The following ELAVL4 variants were observed in gnomAD, a reference collection of about 807,000 sequenced individuals.
The protein encoded by ELAVL4 is ELAV like RNA binding protein 4.
In ELAVL4, 1 loss-of-function variant was observed where a neutral mutation model predicts 35.6. The observed-to-expected ratio is 0.03, with a 90% confidence interval of 0.01 to 0.13. The LOEUF (loss-of-function observed/expected upper bound fraction) is 0.13, where lower values mean the gene tolerates loss of function less well. Among genes scored for constraint, ELAVL4 ranks in the 10% least tolerant of loss-of-function variants. The pLI, the probability that ELAVL4 is intolerant of heterozygous loss-of-function variation, is 1.00. For missense variants in ELAVL4, 267 were observed against 464.9 expected (o/e 0.57, Z 3.91); for synonymous variants, 156 against 171.0 (o/e 0.91, Z 0.69).
intron 1 of ELAVL4, among the ~76,000 whole-genome samples, chr1:50,058,788 G>A (rs1364691899): frequency 1.3e-5 from 2 of 151,564 alleles, no homozygotes; most frequent in African/African-American, 4.9e-5. Flanking sequence ...TTTTTTTTTA[G>A]AGATGAGGTT....
upstream of ELAVL4, among the ~76,000 whole-genome samples, chr1:50,107,974 G>A (rs1666488035): frequency 6.6e-6 from 1 of 152,124 alleles, no homozygotes; most frequent in South Asian, 2.1e-4. Context: ...AAGGAGAGAA[G>A]CAAAATCACT....
intron 1 of ELAVL4, among the ~76,000 whole-genome samples, chr1:50,123,952 C>T (rs558599229): frequency 1.3e-5 from 2 of 152,214 alleles, no homozygotes; most frequent in African/African-American, 4.8e-5. Context: ...TTCTAGGTTT[C>T]ACCACTGCCT....
At chr1:50,125,714 T>C (rs1436281654) in intron 1 of ELAVL4, among the ~76,000 whole-genome samples, 7 of 152,102 alleles carry the variant, frequency 4.6e-5, no homozygotes, top group Non-Finnish European at 4.4e-5. Flanking sequence ...TCAGCCAGAA[T>C]GTCTTCTCAA....
At chr1:50,130,415 A>T (rs1459724144) in intron 1 of ELAVL4, among the ~76,000 whole-genome samples, 1 of 152,182 alleles carries the variant, frequency 6.6e-6, no homozygotes, top group Non-Finnish European at 1.5e-5. Context: ...AATGAGAGGA[A>T]TGACAATACC....
intron 6 of ELAVL4, among the ~76,000 whole-genome samples, chr1:50,197,746 C>A (rs1175028154): frequency 6.6e-6 from 1 of 152,180 alleles, no homozygotes; most frequent in Non-Finnish European, 1.5e-5. Flanking sequence ...ATAATCTGGT[C>A]CTTTGAATGG....
chr1:50,197,745 T>A (rs920375700), intron 6 of ELAVL4, among the ~76,000 whole-genome samples: 3 of 152,220 alleles, frequency 2.0e-5, no homozygotes, highest in African/African-American at 4.8e-5. Flanking sequence ...AATAATCTGG[T>A]CCTTTGAATG....
At chr1:50,152,390 G>T (rs1674950912) in intron 2 of ELAVL4, among the ~76,000 whole-genome samples, 2 of 151,688 alleles carry the variant, frequency 1.3e-5, no homozygotes, top group African/African-American at 2.4e-5. Context: ...CCCTGTTCAC[G>T]CAGCCTTCTC....
chr1:50,177,705 G>A (rs552770099), intron 3 of ELAVL4, among the ~76,000 whole-genome samples: 1 of 152,278 alleles, frequency 6.6e-6, no homozygotes, highest in South Asian at 2.1e-4. Flanking sequence ...CTTTACCTAA[G>A]GGTGGTTAGG....
At chr1:50,106,681 G>A (rs1666343066), upstream of ELAVL4, among the ~76,000 whole-genome samples, 1 of 152,100 alleles carries the variant, frequency 6.6e-6, no homozygotes, top group Admixed American at 6.5e-5. Context: ...CCAACAATAG[G>A]ATTCTGCCTT....
intron 1 of ELAVL4, among the ~76,000 whole-genome samples, chr1:50,114,099 T>A (rs770528204): frequency 4.6e-5 from 7 of 152,110 alleles, no homozygotes; most frequent in Non-Finnish European, 1.0e-4. Context: ...CCAAACACCT[T>A]TCTTTAGCTG....
At chr1:50,127,575 A>G (rs568329833) in intron 1 of ELAVL4, among the ~76,000 whole-genome samples, 1 of 152,274 alleles carries the variant, frequency 6.6e-6, no homozygotes, top group African/African-American at 2.4e-5. Flanking sequence ...ATGTCTACTA[A>G]CCTTCCAAGA....
chr1:50,072,522 C>A (rs1664577172), intron 1 of ELAVL4, among the ~76,000 whole-genome samples: 2 of 152,280 alleles, frequency 1.3e-5, no homozygotes, highest in South Asian at 2.1e-4. Flanking sequence ...GCCATCATCA[C>A]TGATGAATGA....
chr1:50,129,645 T>C (rs961585748), intron 1 of ELAVL4, among the ~76,000 whole-genome samples: 3 of 152,158 alleles, frequency 2.0e-5, no homozygotes, highest in East Asian at 3.9e-4. Context: ...TTTGGCATTA[T>C]TGTGAGAGCT....
chr1:50,177,266 G>GCCCCCACATA, intron 3 of ELAVL4, 74 bp downstream of exon 3: 7 of 1,123,652 alleles, frequency 6.2e-6, no homozygotes, highest in South Asian at 1.3e-5. Flanking sequence ...GGTAAATCCA[G>GCCCCCACATA]GCTATGTGGG....
At position 50,192,519 on chromosome 1, in the gene ELAVL4, G is replaced by A. The variant is rs78788283; in HGVS notation, c.355-1246G>A. On this transcript the variant is annotated intron_variant, in intron 3 of 6. Transcript: ENST00000371824. ...TTTGCACACATGCTTTTGTGTGCACGCACACACACACACACACACACACAC... is the reference window on the plus strand; with the variant it reads ...TTTGCACACATGCTTTTGTGTGCACACACACACACACACACACACACACAC... 6.7e-3 allele frequency among the ~76,000 whole-genome samples: 941 copies of A among 140,434 alleles called. 7 individuals are homozygous for A. The highest frequency in any genetic ancestry group is 0.011 in the Admixed American group (154 of 14,046). The allele number at this position is 140,434 out of a possible 152,430, so 92.1% of individuals were successfully genotyped here.
intron 1 of ELAVL4, among the ~76,000 whole-genome samples, chr1:50,080,032 G>C (rs1419036722): frequency 1.3e-5 from 2 of 152,130 alleles, no homozygotes; most frequent in Non-Finnish European, 2.9e-5. Context: ...TGAAATGACT[G>C]TTCTGAACTC....
intron 3 of ELAVL4, among the ~76,000 whole-genome samples, chr1:50,183,284 G>A (rs1681332366): frequency 1.3e-5 from 2 of 152,228 alleles, no homozygotes; most frequent in South Asian, 4.2e-4. Flanking sequence ...TATTTCCAGA[G>A]GACAGGTATT....
rs187982758 is a variant in ELAVL4 at position 50,085,307 on chromosome 1, A to T, written c.18+37125A>T. ...CAAGAACACACACATCCTTTCCTGG[A>T]CTCCTTTTCCTTTGAGGTCACACAG... On this transcript the variant is annotated intron_variant, in intron 1 of 6. Coordinates refer to the ELAVL4 transcript ENST00000448907. 5.9e-5 allele frequency among the ~76,000 whole-genome samples: 9 copies of T among 152,222 alleles called. No individual in the cohort carries two copies. The East Asian group carries it at 1.7e-3, about 29-fold the overall frequency.
chr1:50,184,495 C>T (rs1412949954), intron 3 of ELAVL4, among the ~76,000 whole-genome samples: 3 of 151,960 alleles, frequency 2.0e-5, no homozygotes, highest in African/African-American at 4.8e-5. Context: ...CCACTCTGGT[C>T]AGCCCATCCT....
Sources: allele counts gnomAD v4.1 joint callset (sites outside exome capture counted in the v4.1 genomes callset), GRCh38; gene constraint gnomAD v4.1.1; transcripts MANE v1.5; gene names NCBI Gene and HGNC (gene_info 2026-07-23, HGNC 2026-07-21).